PDE9A: variants seen among roughly 807,000 people sequenced by gnomAD.
PDE9A encodes the protein high affinity cGMP-specific 3',5'-cyclic phosphodiesterase 9A.
A neutral mutation model predicts 87.4 loss-of-function variants in PDE9A; 60 were observed. The observed-to-expected ratio is 0.69, with a 90% confidence interval of 0.56 to 0.85. The LOEUF (loss-of-function observed/expected upper bound fraction) is 0.85. PDE9A is among the 40% of genes least tolerant of loss of function. PDE9A has a pLI of 0.00. For synonymous variants in PDE9A, 272 were observed against 279.4 expected, an observed-to-expected ratio of 0.97 and a Z score of 0.27; for missense variants, 665 against 779.0, an observed-to-expected ratio of 0.85 and a Z score of 1.74.
intron 9 of PDE9A, among the ~76,000 whole-genome samples, chr21:42,753,034 T>A (rs1482013543): frequency 1.3e-5 from 2 of 151,824 alleles, no homozygotes; most frequent in African/African-American, 4.8e-5. Flanking sequence ...TGAGATGGAG[T>A]CTCACTCTGT....
At position 42,656,415 on chromosome 21, in the gene PDE9A, A is replaced by C. The variant is rs1601843734; in HGVS notation, c.69+2532A>C. ...ACGGGGAGGAAGGAGGGAACATTAG[A>C]AACTGGGGGTTCTGCCGAGTTCTGT... On this transcript the variant is annotated intron_variant, in intron 1 of 19. Transcript: ENST00000291539. Among the ~76,000 whole-genome samples, 4 of 152,324 alleles carry C rather than the reference A, an allele frequency of 2.6e-5. No homozygotes were observed. The South Asian group carries it at 8.3e-4, about 32-fold the overall frequency.
intron 19 of PDE9A, among the ~76,000 whole-genome samples, chr21:42,773,940 A>G (rs1439662828): frequency 1.4e-5 from 2 of 142,798 alleles, no homozygotes; most frequent in Non-Finnish European, 3.0e-5. Flanking sequence ...CTTCTCTACT[A>G]AAAATACAAA....
rs1320670796 is a variant in PDE9A at position 42,739,013 on chromosome 21, C to T, written c.569-4763C>T. Among the ~76,000 whole-genome samples, 2 of 152,204 alleles carry T rather than the reference C, an allele frequency of 1.3e-5. No individual in the cohort carries two copies. The highest frequency in any genetic ancestry group is 2.9e-5 in the Non-Finnish European group (2 of 68,026). On this transcript the variant is annotated intron_variant, in intron 7 of 19. Coordinates refer to ENST00000291539, the MANE Select transcript of PDE9A (RefSeq NM_002606.3). The surrounding 1 kb of genome is among the most constrained non-coding windows in gnomAD (Gnocchi z 4.1). ...GCCTACAGTCCTTTTAAGAGGACAGCCCGGGGTTTCCAGATAATACTAGCC... is the reference window on the plus strand; with the variant it reads ...GCCTACAGTCCTTTTAAGAGGACAGTCCGGGGTTTCCAGATAATACTAGCC...
intron 14 of PDE9A, among the ~76,000 whole-genome samples, chr21:42,764,135 G>A (rs1415597492): frequency 1.3e-5 from 2 of 152,214 alleles, no homozygotes; most frequent in Non-Finnish European, 2.9e-5. Context: ...TGATGGCCCC[G>A]GGAGGAGCGC....
In PDE9A at chr21:42,760,777, C is replaced by T. The variant is rs367916737; in HGVS notation, c.1003-48C>T. The T allele has an allele frequency of 5.7e-5, 60 of 1,056,136 alleles. No individual in the cohort carries two copies. In the African/African-American group the frequency reaches 8.0e-4, roughly 14 times the overall value. 65.4% of individuals were successfully genotyped at this position (1,056,136 alleles called of 1,614,324 possible). ...TTCCACCCCCCCTCACCCCATCCCACCCTCCGAGTGAAGAGAGCAAACACC... is the reference window on the plus strand; with the variant it reads ...TTCCACCCCCCCTCACCCCATCCCATCCTCCGAGTGAAGAGAGCAAACACC... On this transcript the variant is annotated intron_variant, in intron 12 of 19. Transcript: ENST00000291539. This position sits in a 1 kb window ranked among gnomAD's most constrained non-coding sequence, Gnocchi z 5.2.
intron 8 of PDE9A, 109 bp downstream of exon 8, chr21:42,743,969 C>G (rs1010394716): frequency 1.4e-6 from 1 of 703,504 alleles, no homozygotes; most frequent in Non-Finnish European, 2.6e-6. Flanking sequence ...TGGTGCAGTT[C>G]GGTACAGTTC....
At chr21:42,717,294 C>CTTTTTTTTTTTTTTT (rs57599893) in intron 4 of PDE9A, among the ~76,000 whole-genome samples, 2 of 85,168 alleles carry the variant, frequency 2.3e-5, no homozygotes, top group Non-Finnish European at 4.2e-5. Context: ...TGGAACATGC[C>CTTTTTTTTTTTTTTT]TTTTTTTTTT....
In PDE9A at chr21:42,659,931, T is replaced by C. The variant is rs925253996; in HGVS notation, c.69+6048T>C. On this transcript the variant is annotated intron_variant, in intron 1 of 19. Coordinates refer to ENST00000291539, the MANE Select transcript of PDE9A (RefSeq NM_002606.3). The surrounding 1 kb of genome is among the most constrained non-coding windows in gnomAD (Gnocchi z 4.1). ...CGCCTCAGATGAACTGACATGCAAA[T>C]GAGAGATGAAACGGGGACGAGCCGG... 5.3e-5 allele frequency among the ~76,000 whole-genome samples: 8 copies of C among 151,978 alleles called. No individual in the cohort carries two copies. The highest frequency in any genetic ancestry group is 8.8e-5 in the Non-Finnish European group (6 of 67,974).
At chr21:42,700,133 T>C (rs886301111) in intron 4 of PDE9A, among the ~76,000 whole-genome samples, 2 of 152,200 alleles carry the variant, frequency 1.3e-5, no homozygotes, top group Admixed American at 6.5e-5. Flanking sequence ...ATGTACTCTT[T>C]TTGACTCAAC....
At chr21:42,729,225 A>T (rs138011817) in intron 4 of PDE9A, among the ~76,000 whole-genome samples, 2 of 152,288 alleles carry the variant, frequency 1.3e-5, no homozygotes, top group East Asian at 3.9e-4. Flanking sequence ...GTAGTACCTC[A>T]TGCTTCTCTA....
At position 42,704,494 on chromosome 21, in the gene PDE9A, A is replaced by G. The variant is rs544321723; in HGVS notation, c.262+5483A>G. ...CAGCTTTCCTGAGAAATGTGTTTACAGAACATTTTTTCCATTTGGGGTTTG... is the reference window on the plus strand; with the variant it reads ...CAGCTTTCCTGAGAAATGTGTTTACGGAACATTTTTTCCATTTGGGGTTTG... On this transcript the variant is annotated intron_variant, in intron 4 of 19. Coordinates refer to ENST00000291539, the MANE Select transcript of PDE9A (RefSeq NM_002606.3). The surrounding 1 kb of genome is among the most constrained non-coding windows in gnomAD (Gnocchi z 5.3). Among the ~76,000 whole-genome samples the G allele has an allele frequency of 2.6e-4, 40 of 151,178 alleles. 1 individual carries two copies. In the South Asian group the frequency reaches 4.8e-3, roughly 18 times the overall value.
At chr21:42,709,203 C>G (rs1391253138) in intron 4 of PDE9A, among the ~76,000 whole-genome samples, 1 of 152,114 alleles carries the variant, frequency 6.6e-6, no homozygotes, top group African/African-American at 2.4e-5. Context: ...AATGCAGGAA[C>G]AGAAAACCAA....
chr21:42,707,778 C>A (rs1480404016), intron 4 of PDE9A, among the ~76,000 whole-genome samples: 1 of 152,214 alleles, frequency 6.6e-6, no homozygotes, highest in Non-Finnish European at 1.5e-5. Flanking sequence ...ATTTCCCTGA[C>A]AAAATAGGAA....
At position 42,704,416 on chromosome 21, in the gene PDE9A, C is replaced by A. The variant is rs374030472; in HGVS notation, c.262+5405C>A. 7.0e-6 allele frequency among the ~76,000 whole-genome samples: 1 copy of A among 142,420 alleles called. No homozygotes were observed. The highest frequency in any genetic ancestry group is 1.5e-5 in the Non-Finnish European group (1 of 66,306). 93.4% of individuals were successfully genotyped at this position (142,420 alleles called of 152,430 possible). A position where few individuals can be genotyped will look rare whatever the true frequency, so the allele number is the denominator to read the frequency against. ...GGAGACAAAGTCGGTGTCAGGTAGA[C>A]CCCCCCCACCCCACCAAACACACAC... is the stretch of plus-strand genomic sequence containing the variant. On this transcript the variant is annotated intron_variant, in intron 4 of 19. Coordinates refer to ENST00000291539, the MANE Select transcript of PDE9A (RefSeq NM_002606.3). The surrounding 1 kb of genome is among the most constrained non-coding windows in gnomAD (Gnocchi z 5.3).
intron 1 of PDE9A, among the ~76,000 whole-genome samples, chr21:42,674,489 G>A (rs1450635912): frequency 1.3e-5 from 2 of 151,930 alleles, no homozygotes; most frequent in Non-Finnish European, 2.9e-5. Context: ...ACAGGGTGGG[G>A]GCTGCTCCTC....
intron 4 of PDE9A, among the ~76,000 whole-genome samples, chr21:42,725,867 G>C (rs550627205): frequency 6.6e-6 from 1 of 152,154 alleles, no homozygotes; most frequent in African/African-American, 2.4e-5. Flanking sequence ...CCTGGTGCTT[G>C]CATCTTTAGT....
chr21:42,732,241 G>A, intron 6 of PDE9A, 117 bp downstream of exon 6: 1 of 932,032 alleles, frequency 1.1e-6, no homozygotes, highest in Non-Finnish European at 1.7e-6. Flanking sequence ...TGTCTCACCT[G>A]CCTGGAGGAG....
intron 4 of PDE9A, among the ~76,000 whole-genome samples, chr21:42,714,117 C>T (rs902411532): frequency 7.0e-6 from 1 of 142,288 alleles, no homozygotes; most frequent in Non-Finnish European, 1.5e-5. Flanking sequence ...CTCCCGGGTT[C>T]ACGCCATTCT....
intron 1 of PDE9A, among the ~76,000 whole-genome samples, chr21:42,670,815 A>G (rs895812615): frequency 3.3e-5 from 5 of 151,994 alleles, no homozygotes; most frequent in Non-Finnish European, 5.9e-5. Context: ...ACATACATTC[A>G]CACACACACG....
Sources: allele counts gnomAD v4.1 joint callset (sites outside exome capture counted in the v4.1 genomes callset), GRCh38; gene constraint gnomAD v4.1.1; non-coding constraint Gnocchi (gnomAD v3.1); transcripts MANE v1.5; gene names NCBI Gene and HGNC (gene_info 2026-07-23, HGNC 2026-07-21).